PAK5: variants seen among roughly 807,000 people sequenced by gnomAD.
PAK5 encodes the protein p21 (RAC1) activated kinase 5, also known as serine/threonine-protein kinase PAK 5.
PAK5 carries 16 observed loss-of-function variants against 65.9 expected under a neutral mutation model. That is an observed-to-expected ratio of 0.24 (90% confidence interval 0.16 to 0.37). The LOEUF (loss-of-function observed/expected upper bound fraction) is 0.37, where lower values mean the gene tolerates loss of function less well. PAK5 is among the 10% of genes least tolerant of loss of function. The pLI, the probability that PAK5 is intolerant of heterozygous loss-of-function variation, is 1.00. For missense variants in PAK5, 785 were observed against 903.9 expected, an observed-to-expected ratio of 0.87 and a Z score of 1.69; for synonymous variants, 371 against 354.9, an observed-to-expected ratio of 1.05 and a Z score of -0.51.
chr20:9,600,155 C>A (rs1006939047), intron 3 of PAK5, among the ~76,000 whole-genome samples: 8 of 152,150 alleles, frequency 5.3e-5, no homozygotes, highest in African/African-American at 1.9e-4. Context: ...AAGCATCTGA[C>A]CTCATATGTG....
At chr20:9,747,146 C>T (rs900665064) in intron 1 of PAK5, among the ~76,000 whole-genome samples, 1 of 152,074 alleles carries the variant, frequency 6.6e-6, no homozygotes, top group Non-Finnish European at 1.5e-5. Flanking sequence ...AAGAAGTTGA[C>T]TCTCTGAATA....
intron 2 of PAK5, among the ~76,000 whole-genome samples, chr20:9,645,528 T>C (rs936436424): frequency 6.6e-6 from 1 of 152,248 alleles, no homozygotes; most frequent in African/African-American, 2.4e-5. Context: ...TGTTGATTTG[T>C]TGAGGAAGAC....
chr20:9,795,332 T>C (rs2049093302), intron 1 of PAK5, among the ~76,000 whole-genome samples: 1 of 152,158 alleles, frequency 6.6e-6, no homozygotes, highest in Non-Finnish European at 1.5e-5. Flanking sequence ...TATTCACCTG[T>C]CCAAGTAAAT....
chr20:9,681,180 G>A (rs1214931955), intron 2 of PAK5, among the ~76,000 whole-genome samples: 1 of 152,062 alleles, frequency 6.6e-6, no homozygotes, highest in African/African-American at 2.4e-5. Flanking sequence ...ACATTCACTT[G>A]AGTTTTTATG....
intron 4 of PAK5, among the ~76,000 whole-genome samples, chr20:9,579,420 C>G (rs890582346): frequency 6.6e-6 from 1 of 152,162 alleles, no homozygotes; most frequent in South Asian, 2.1e-4. Context: ...GTTTCAGTAA[C>G]TTCTCCGGCA....
At chr20:9,767,443 C>T (rs542183377) in intron 1 of PAK5, among the ~76,000 whole-genome samples, 20 of 152,270 alleles carry the variant, frequency 1.3e-4, no homozygotes, top group African/African-American at 4.1e-4. Flanking sequence ...CCTTCTATTG[C>T]CTTCCTTTGT....
chr20:9,692,239 A>G (rs2047807800), intron 2 of PAK5, among the ~76,000 whole-genome samples: 1 of 152,224 alleles, frequency 6.6e-6, no homozygotes, highest in Non-Finnish European at 1.5e-5. Flanking sequence ...ATTAACACCA[A>G]GAAATATTAA....
chr20:9,623,192 C>T (rs1435080424), intron 3 of PAK5, among the ~76,000 whole-genome samples: 2 of 152,002 alleles, frequency 1.3e-5, no homozygotes, highest in Non-Finnish European at 2.9e-5. Context: ...ATAGGGAGGA[C>T]ATATTGCATT....
chr20:9,721,239 A>G (rs996165358), intron 1 of PAK5, among the ~76,000 whole-genome samples: 2 of 152,056 alleles, frequency 1.3e-5, no homozygotes, highest in African/African-American at 4.8e-5. Flanking sequence ...CCACCATTAT[A>G]TGGGCTCCTC....
intron 2 of PAK5, among the ~76,000 whole-genome samples, chr20:9,644,546 T>A (rs1317984279): frequency 6.6e-6 from 1 of 152,190 alleles, no homozygotes; most frequent in Non-Finnish European, 1.5e-5. Context: ...ACTTGCCATG[T>A]GGATGATAGT....
chr20:9,837,421 C>T (rs943680323), intron 1 of PAK5, among the ~76,000 whole-genome samples: 1 of 152,134 alleles, frequency 6.6e-6, no homozygotes, highest in African/African-American at 2.4e-5. Context: ...TGCTAAGATG[C>T]CCATCCTTTA....
rs1021706135 is a variant in PAK5 at position 9,787,985 on chromosome 20, G to GC, written c.-162+50776_-162+50777insG. Among the ~76,000 whole-genome samples, 104 of 151,076 alleles carry GC rather than the reference G, an allele frequency of 6.9e-4. 2 individuals are homozygous for GC. The highest frequency in any genetic ancestry group is 3.4e-3 in the Middle Eastern group (1 of 292). On this transcript the variant is annotated intron_variant, in intron 1 of 9. Coordinates refer to ENST00000353224, the MANE Select transcript of PAK5 (RefSeq NM_177990.4). Reference sequence around the variant, plus strand: ...CCAGCCCATGTGTCTGTGTGTGTTGGGGGGGGTATGTGTGAGTACCCATAT... The same window carrying GC: ...CCAGCCCATGTGTCTGTGTGTGTTGGCGGGGGGTATGTGTGAGTACCCATAT...
intron 2 of PAK5, among the ~76,000 whole-genome samples, chr20:9,691,921 C>T (rs906779878): frequency 2.0e-5 from 3 of 152,162 alleles, no homozygotes; most frequent in Non-Finnish European, 2.9e-5. Flanking sequence ...GCAATCACAG[C>T]CCTTATCTTG....
At chr20:9,576,006 T>G (rs1288070169) in intron 4 of PAK5, among the ~76,000 whole-genome samples, 1 of 152,202 alleles carries the variant, frequency 6.6e-6, no homozygotes, top group Middle Eastern at 3.2e-3. Flanking sequence ...TTGAGTCATG[T>G]TTGCAAAATG....
chr20:9,772,697 T>C (rs2048847197), intron 1 of PAK5, among the ~76,000 whole-genome samples: 1 of 152,266 alleles, frequency 6.6e-6, no homozygotes, highest in South Asian at 2.1e-4. Context: ...GTGGTTAATG[T>C]GAATTTACAT....
intron 1 of PAK5, among the ~76,000 whole-genome samples, chr20:9,746,227 C>T (rs2048506354): frequency 6.6e-6 from 1 of 152,068 alleles, no homozygotes; most frequent in African/African-American, 2.4e-5. Context: ...ACCCTGGACA[C>T]CTGTCTCTTA....
chr20:9,669,076 A>T (rs2047458132), intron 2 of PAK5, among the ~76,000 whole-genome samples: 1 of 152,240 alleles, frequency 6.6e-6, no homozygotes. Context: ...AAAGTGATTT[A>T]CAAAAAATAT....
intron 1 of PAK5, among the ~76,000 whole-genome samples, chr20:9,793,983 A>G (rs2049077756): frequency 1.3e-5 from 2 of 152,186 alleles, no homozygotes; most frequent in Admixed American, 1.3e-4. Flanking sequence ...TACACCATGG[A>G]ATACTATGCA....
rs184737168 is a variant in PAK5 at position 9,562,857 on chromosome 20, C to A, written c.1616+34G>T. 4.8e-5 allele frequency: 76 copies of A among 1,590,538 alleles called. No individual in the cohort carries two copies. In the African/African-American group the frequency reaches 8.6e-4, roughly 18 times the overall value. On this transcript the variant is annotated intron_variant, in intron 6 of 9. Coordinates refer to ENST00000353224, the MANE Select transcript of PAK5 (RefSeq NM_177990.4). ...CTTTATCCTGGAGAAGAATAAGAAG[C>A]ACCTCGAATTCTCTGGATAATAAAG...
Sources: allele counts gnomAD v4.1 joint callset (sites outside exome capture counted in the v4.1 genomes callset), GRCh38; gene constraint gnomAD v4.1.1; transcripts MANE v1.5; gene names NCBI Gene and HGNC (gene_info 2026-07-23, HGNC 2026-07-21).